NIPAL2: variants seen among roughly 807,000 people sequenced by gnomAD.
The protein encoded by NIPAL2 is NIPA like domain containing 2.
Under a neutral mutation model 48.9 loss-of-function variants are expected in NIPAL2, and 43 were observed. That is an observed-to-expected ratio of 0.88 (90% CI 0.69 to 1.13). The LOEUF (loss-of-function observed/expected upper bound fraction) is 1.13. Among genes scored for constraint, NIPAL2 ranks in the 50% most tolerant of loss-of-function variants. The pLI is 0.00. For missense variants in NIPAL2, 446 were observed against 461.4 expected (o/e 0.97, Z 0.31); for synonymous variants, 167 against 174.6 (o/e 0.96, Z 0.34).
chr8:98,217,182 C>A (rs561405108), intron 5 of NIPAL2: 1 of 985,426 alleles, frequency 1.0e-6, no homozygotes, highest in African/African-American at 1.7e-5. Flanking sequence ...CTTCTCAAAT[C>A]TTCCTTCCTT....
intron 5 of NIPAL2, among the ~76,000 whole-genome samples, chr8:98,220,964 C>CTTTTTTT (rs557824737): frequency 5.7e-4 from 39 of 68,662 alleles, no homozygotes; most frequent in African/African-American, 1.4e-3. Context: ...TCATTTCATT[C>CTTTTTTT]TTTTTTTTTT....
In NIPAL2 at chr8:98,280,761, T is replaced by TATATAGAGAGAGAG; in HGVS notation, c.135+13241_135+13242insCTCTCTCTCTATAT. Among the ~76,000 whole-genome samples the TATATAGAGAGAGAG allele has an allele frequency of 3.3e-3, 99 of 30,014 alleles. 1 individual carries two copies. The highest frequency in any genetic ancestry group is 4.5e-3 in the South Asian group (3 of 668). The allele number at this position is 30,014 out of a possible 152,430, so 19.7% of individuals were successfully genotyped here. A position where few individuals can be genotyped will look rare whatever the true frequency, so the allele number is the denominator to read the frequency against. On this transcript the variant is annotated intron_variant, in intron 1 of 10. Transcript: ENST00000430223. ...CTATATATATATATATATATATATA[T>TATATAGAGAGAGAG]AGAGAGAGAGAGAGAGAGAGAGAGA...
At chr8:98,260,808 G>A (rs1441379735) in intron 1 of NIPAL2, among the ~76,000 whole-genome samples, 10 of 152,212 alleles carry the variant, frequency 6.6e-5, no homozygotes, top group African/African-American at 2.4e-4. Context: ...GCCTCTGTAG[G>A]CTCCACCTCT....
chr8:98,248,448 T>G (rs1335472820), intron 3 of NIPAL2, among the ~76,000 whole-genome samples: 1 of 152,238 alleles, frequency 6.6e-6, no homozygotes, highest in Non-Finnish European at 1.5e-5. Flanking sequence ...AACACTGTCC[T>G]TAGATGTTTG....
chr8:98,201,056 G>T (rs567787586), intron 8 of NIPAL2, among the ~76,000 whole-genome samples: 3 of 152,284 alleles, frequency 2.0e-5, no homozygotes, highest in East Asian at 3.9e-4. Context: ...GTTCTAGGAG[G>T]GTGGCGGCAT....
intron 4 of NIPAL2, among the ~76,000 whole-genome samples, chr8:98,230,875 A>C (rs936110834): frequency 1.3e-5 from 2 of 152,182 alleles, no homozygotes; most frequent in Non-Finnish European, 2.9e-5. Context: ...CTAAAACCTG[A>C]AATCTTGAAT....
chr8:98,279,071 T>A (rs753899948), intron 1 of NIPAL2, among the ~76,000 whole-genome samples: 2 of 152,036 alleles, frequency 1.3e-5, no homozygotes, highest in Non-Finnish European at 1.5e-5. Flanking sequence ...TTATTCTATA[T>A]TTTTTCTGAA....
intron 1 of NIPAL2, among the ~76,000 whole-genome samples, chr8:98,281,559 T>C (rs1264813862): frequency 6.6e-6 from 1 of 152,196 alleles, no homozygotes; most frequent in African/African-American, 2.4e-5. Flanking sequence ...ATGACGTGAT[T>C]ATTAAACATT....
At chr8:98,205,492 T>A (rs1197175706) in intron 6 of NIPAL2, among the ~76,000 whole-genome samples, 4 of 151,480 alleles carry the variant, frequency 2.6e-5, no homozygotes, top group Non-Finnish European at 5.9e-5. Context: ...TTTTTTTTTA[T>A]CTGTGGAGCA....
chr8:98,274,878 T>C (rs1815368426), intron 1 of NIPAL2, among the ~76,000 whole-genome samples: 2 of 152,138 alleles, frequency 1.3e-5, no homozygotes, highest in Non-Finnish European at 2.9e-5. Flanking sequence ...CTGTTAGAAT[T>C]GGTTGAGTGT....
chr8:98,256,319 G>A (rs769216352), intron 1 of NIPAL2, among the ~76,000 whole-genome samples: 12 of 152,132 alleles, frequency 7.9e-5, no homozygotes, highest in Non-Finnish European at 1.5e-4. Context: ...CACCATGCCT[G>A]GCTGAGATTA....
intron 5 of NIPAL2, chr8:98,217,072 C>A: frequency 1.0e-6 from 1 of 985,450 alleles, no homozygotes; most frequent in East Asian, 1.1e-4. Context: ...CTCCTCTTTG[C>A]ATTTTGGCAA....
intron 8 of NIPAL2, among the ~76,000 whole-genome samples, chr8:98,198,459 C>T (rs531982913): frequency 6.6e-6 from 1 of 152,322 alleles, no homozygotes; most frequent in South Asian, 2.1e-4. Context: ...GTCAGCCTGT[C>T]CTTTGAAGCT....
At chr8:98,289,587 G>C (rs1816383791) in intron 1 of NIPAL2, among the ~76,000 whole-genome samples, 1 of 151,626 alleles carries the variant, frequency 6.6e-6, no homozygotes, top group African/African-American at 2.4e-5. Context: ...TTGGGCTCAA[G>C]AGATCCTCCT....
chr8:98,209,622 C>G (rs2877495), intron 6 of NIPAL2, among the ~76,000 whole-genome samples: 60,275 of 151,398 alleles, frequency 0.4, 12,187 homozygotes, highest in South Asian at 0.53. Context: ...TGTCTCAAAA[C>G]AAAACAAAGA....
chr8:98,194,217 CAGTG>C (rs1287925461), intron 10 of NIPAL2, among the ~76,000 whole-genome samples: 1 of 152,136 alleles, frequency 6.6e-6, no homozygotes, highest in Admixed American at 6.5e-5. Context: ...AGTTATTTCT[CAGTG>C]AGAGTGAGAA....
chr8:98,197,006 C>T (rs1023285722), intron 8 of NIPAL2, among the ~76,000 whole-genome samples: 2 of 151,906 alleles, frequency 1.3e-5, no homozygotes, highest in Non-Finnish European at 2.9e-5. Flanking sequence ...TTAATGTTTT[C>T]ATGTTATTTT....
In NIPAL2 at chr8:98,259,070, C is replaced by CTTTTTTTTTT. The variant is rs869220202; in HGVS notation, c.136-4993_136-4984dup. 5.2e-3 allele frequency among the ~76,000 whole-genome samples: 218 copies of CTTTTTTTTTT among 41,782 alleles called. 5 individuals carry two copies. The highest frequency in any genetic ancestry group is 0.022 in the African/African-American group (202 of 9,140). The allele number at this position is 41,782 out of a possible 152,430, so 27.4% of individuals were successfully genotyped here. The stretch of plus-strand genomic sequence containing the variant: ...TATGCTGCTGTTCCTTTAAATATTC[C>CTTTTTTTTTT]TTTTTTTTTTTTTTTTTTTTTTTTG... On this transcript the variant is annotated intron_variant, in intron 1 of 10. Coordinates refer to ENST00000430223, the MANE Select transcript of NIPAL2 (RefSeq NM_001321635.2).
chr8:98,206,582 C>T (rs1361190800), intron 6 of NIPAL2, among the ~76,000 whole-genome samples: 2 of 151,962 alleles, frequency 1.3e-5, no homozygotes, highest in Middle Eastern at 3.4e-3. Flanking sequence ...GTCAGGAGAT[C>T]GAGACCATCC....
Sources: gnomAD v4.1 joint callset for allele counts (sites outside exome capture counted in the v4.1 genomes callset) on GRCh38, gnomAD v4.1.1 for gene constraint, MANE v1.5 for transcripts, NCBI Gene and HGNC (gene_info 2026-07-23, HGNC 2026-07-21) for gene names.